The following SETBP1 variants were observed in gnomAD, a reference collection of about 807,000 sequenced individuals.
The protein encoded by SETBP1 is SET-binding protein.
In SETBP1, 9 loss-of-function variants were observed where a neutral mutation model predicts 101.0. That is an observed-to-expected ratio of 0.09 (90% CI 0.05 to 0.16). The LOEUF is 0.16. SETBP1 is among the 10% of genes least tolerant of loss of function. SETBP1 has a pLI of 1.00. For missense variants in SETBP1, 1,858 were observed against 2,033.8 expected, an observed-to-expected ratio of 0.91 and a Z score of 1.66; for synonymous variants, 818 against 788.5, an observed-to-expected ratio of 1.04 and a Z score of -0.63.
intron 2 of SETBP1, among the ~76,000 whole-genome samples, chr18:44,746,085 G>T (rs1388591988): frequency 6.6e-6 from 1 of 152,144 alleles, no homozygotes; most frequent in East Asian, 1.9e-4. Context: ...TGTCTTGAAG[G>T]TGTCTATGTT....
intron 2 of SETBP1, among the ~76,000 whole-genome samples, chr18:44,776,002 GA>G (rs1242179397): frequency 2.6e-5 from 4 of 152,140 alleles, no homozygotes; most frequent in Non-Finnish European, 5.9e-5. Context: ...ATGTTCAATG[GA>G]CAGAGCCGTT....
intron 2 of SETBP1, among the ~76,000 whole-genome samples, chr18:44,863,510 G>A (rs970052747): frequency 2.6e-5 from 4 of 152,130 alleles, no homozygotes; most frequent in African/African-American, 9.7e-5. Flanking sequence ...CTTTTTTATG[G>A]GTTGAAAGGT....
chr18:44,697,023 A>G (rs2852780), intron 1 of SETBP1: 137,068 of 152,352 alleles, frequency 0.9, 61,883 homozygotes, highest in African/African-American at 0.97. Flanking sequence ...GTCATAGAAG[A>G]GTTAACTTTT....
chr18:44,846,814 T>C (rs1376111535), intron 2 of SETBP1, among the ~76,000 whole-genome samples: 1 of 152,238 alleles, frequency 6.6e-6, no homozygotes, highest in African/African-American at 2.4e-5. Context: ...ACCAATATTT[T>C]ATAGAAATCC....
intron 2 of SETBP1, among the ~76,000 whole-genome samples, chr18:44,705,299 C>CT (rs1311635934): frequency 6.6e-6 from 1 of 152,160 alleles, no homozygotes; most frequent in African/African-American, 2.4e-5. Context: ...TGTTTTGACT[C>CT]TGACTGCTTT....
chr18:45,052,917 A>G (rs905115046), intron 5 of SETBP1, among the ~76,000 whole-genome samples: 5 of 152,234 alleles, frequency 3.3e-5, no homozygotes, highest in Non-Finnish European at 7.3e-5. Flanking sequence ...AGAAAACAAA[A>G]TTAAGTTTCA....
chr18:45,008,575 A>G (rs1338479342), intron 4 of SETBP1, among the ~76,000 whole-genome samples: 1 of 152,242 alleles, frequency 6.6e-6, no homozygotes, highest in Non-Finnish European at 1.5e-5. Flanking sequence ...CCAGATTTCT[A>G]CTTTGGGTTC....
chr18:44,758,069 G>A (rs941607080), intron 2 of SETBP1, among the ~76,000 whole-genome samples: 2 of 152,118 alleles, frequency 1.3e-5, no homozygotes, highest in South Asian at 2.1e-4. Context: ...GGGAGAACAG[G>A]GAAATCCCAG....
At chr18:45,062,973 C>G (rs1457853003) in intron 5 of SETBP1, 106 bp from the exon 6 acceptor site, 5 of 1,460,856 alleles carry the variant, frequency 3.4e-6, no homozygotes, top group Non-Finnish European at 4.7e-6. Context: ...AGCATTAATT[C>G]TCTATAATCT....
chr18:44,723,373 A>G (rs2069640877), intron 2 of SETBP1, among the ~76,000 whole-genome samples: 1 of 152,186 alleles, frequency 6.6e-6, no homozygotes, highest in Non-Finnish European at 1.5e-5. Flanking sequence ...ACACACAAAG[A>G]ATGTTAAAGC....
chr18:44,995,264 C>A (rs1227889018), intron 4 of SETBP1, among the ~76,000 whole-genome samples: 2 of 151,236 alleles, frequency 1.3e-5, no homozygotes, highest in African/African-American at 4.9e-5. Flanking sequence ...GCCTCAGCCT[C>A]CCGAGTAGCT....
intron 4 of SETBP1, among the ~76,000 whole-genome samples, chr18:45,028,670 CTGT>C (rs1458585124): frequency 6.6e-6 from 1 of 152,204 alleles, no homozygotes; most frequent in Non-Finnish European, 1.5e-5. Flanking sequence ...TCTCCAGCAC[CTGT>C]TGTTTCCTGA....
intron 4 of SETBP1, chr18:44,987,824 G>A (rs962766181): frequency 4.6e-5 from 7 of 152,198 alleles, no homozygotes; most frequent in African/African-American, 7.2e-5. Context: ...CTGTATGTAT[G>A]AGAGTGTGGC....
At chr18:44,899,345 C>T (rs1387251222) in intron 3 of SETBP1, among the ~76,000 whole-genome samples, 2 of 152,154 alleles carry the variant, frequency 1.3e-5, no homozygotes, top group African/African-American at 2.4e-5. Flanking sequence ...TAGAGAGAGG[C>T]ATTCCTCCCC....
At chr18:44,863,269 G>A (rs547626812) in intron 2 of SETBP1, among the ~76,000 whole-genome samples, 1 of 152,284 alleles carries the variant, frequency 6.6e-6, no homozygotes, top group Admixed American at 6.5e-5. Flanking sequence ...AGAGTCCCCA[G>A]TACCCAGTAT....
intron 2 of SETBP1, among the ~76,000 whole-genome samples, chr18:44,795,820 T>C (rs1276697829): frequency 6.6e-6 from 1 of 152,160 alleles, no homozygotes; most frequent in African/African-American, 2.4e-5. Context: ...TCTCTAATTG[T>C]TAGAGAGTAA....
intron 3 of SETBP1, among the ~76,000 whole-genome samples, chr18:44,944,880 C>A (rs796155392): frequency 3.9e-5 from 6 of 152,146 alleles, no homozygotes; most frequent in African/African-American, 1.4e-4. Flanking sequence ...AAGGCTAGGT[C>A]ACTCATTTGC....
chr18:44,695,845 G>T (rs1198577086), intron 1 of SETBP1, among the ~76,000 whole-genome samples: 3 of 151,856 alleles, frequency 2.0e-5, no homozygotes, highest in African/African-American at 4.8e-5. Context: ...TAGTGAAGTA[G>T]GCTGGGAAAC....
At chr18:44,808,220 G>A (rs769929931) in intron 2 of SETBP1, among the ~76,000 whole-genome samples, 9 of 152,280 alleles carry the variant, frequency 5.9e-5, no homozygotes, top group Non-Finnish European at 1.2e-4. Context: ...TAACAATCAT[G>A]ATTTGGATGT....
Sources: gnomAD v4.1 joint callset for allele counts (sites outside exome capture counted in the v4.1 genomes callset) on GRCh38, gnomAD v4.1.1 for gene constraint, MANE v1.5 for transcripts, NCBI Gene and HGNC (gene_info 2026-07-23, HGNC 2026-07-21) for gene names.